CACHD1: variants seen among roughly 807,000 people sequenced by gnomAD.
CACHD1 encodes the protein VWFA and cache domain-containing protein 1.
CACHD1 carries 71 observed loss-of-function variants against 138.7 expected under a neutral mutation model. The observed-to-expected ratio is 0.51, with a 90% CI of 0.42 to 0.62. CACHD1 has a LOEUF of 0.62. Ranked by LOEUF, CACHD1 falls within the 20% of genes least tolerant of loss-of-function variation. The probability of loss-of-function intolerance (pLI) is 0.00; values close to 1 mark genes in which losing one functional copy is unlikely to be tolerated. For synonymous variants in CACHD1, 578 were observed against 591.5 expected (o/e 0.98, Z 0.33); for missense variants, 1,389 against 1,625.3 (o/e 0.85, Z 2.50).
At chr1:64,559,330 A>G (rs953500345) in intron 2 of CACHD1, among the ~76,000 whole-genome samples, 3 of 152,242 alleles carry the variant, frequency 2.0e-5, no homozygotes, top group African/African-American at 7.2e-5. Flanking sequence ...AAACAAGATC[A>G]TGTCTTTTGC....
At chr1:64,566,480 C>CCT (rs1553133827) in intron 2 of CACHD1, among the ~76,000 whole-genome samples, 1 of 892 alleles carries the variant, frequency 1.1e-3, no homozygotes, top group African/African-American at 4.1e-3. Context: ...GTTTTCAATT[C>CCT]CCCCCCCCCC....
In CACHD1 at chr1:64,681,345, C is replaced by A; in HGVS notation, c.3484+10C>A. The A allele has an allele frequency of 6.2e-7, 1 of 1,606,822 alleles. No homozygotes were observed. The highest frequency in any genetic ancestry group is 8.5e-7 in the Non-Finnish European group (1 of 1,173,550). On this transcript the variant is annotated intron_variant, in intron 25 of 26. Coordinates refer to ENST00000651257, the MANE Select transcript of CACHD1 (RefSeq NM_020925.4). ...GAAGACAGAGGCATCAGTGAGTATT[C>A]AGCTGCCTTGCTGCAGAATGTGTCA... is the stretch of plus-strand genomic sequence containing the variant.
chr1:64,509,493 T>C (rs1646402505), intron 1 of CACHD1, among the ~76,000 whole-genome samples: 3 of 152,212 alleles, frequency 2.0e-5, no homozygotes, highest in Admixed American at 2.0e-4. Context: ...CTTTAGTTCA[T>C]TTGTCTTTCT....
intron 3 of CACHD1, among the ~76,000 whole-genome samples, chr1:64,596,436 T>G (rs906329720): frequency 2.6e-5 from 4 of 152,198 alleles, no homozygotes; most frequent in Non-Finnish European, 5.9e-5. Flanking sequence ...CCAGACCCTG[T>G]TAGGCTGTTA....
chr1:64,540,251 C>T (rs1242339655), intron 1 of CACHD1, among the ~76,000 whole-genome samples: 3 of 151,944 alleles, frequency 2.0e-5, no homozygotes, highest in East Asian at 1.9e-4. Flanking sequence ...CATGTATGGC[C>T]GCTAAATACC....
intron 1 of CACHD1, among the ~76,000 whole-genome samples, chr1:64,544,933 T>C (rs2100439380): frequency 6.6e-6 from 1 of 152,290 alleles, no homozygotes; most frequent in Non-Finnish European, 1.5e-5. Context: ...TTGTATATAC[T>C]TAAAGTGTGA....
chr1:64,501,875 C>T (rs1189592124), intron 1 of CACHD1, among the ~76,000 whole-genome samples: 4 of 151,798 alleles, frequency 2.6e-5, no homozygotes, highest in Admixed American at 2.6e-4. Context: ...GCCTAGATGC[C>T]TCTTTGCTGG....
intron 2 of CACHD1, among the ~76,000 whole-genome samples, chr1:64,552,159 C>T (rs1557489274): frequency 6.6e-6 from 1 of 151,954 alleles, no homozygotes; most frequent in Non-Finnish European, 1.5e-5. Flanking sequence ...TTTTTTCCCC[C>T]CACCCCCTTT....
At chr1:64,575,364 G>A (rs2100521146) in intron 2 of CACHD1, among the ~76,000 whole-genome samples, 1 of 152,266 alleles carries the variant, frequency 6.6e-6, no homozygotes, top group East Asian at 1.9e-4. Context: ...TATATGATGT[G>A]CAACATGAAA....
Position 64,691,632 on chromosome 1 carries a change from C to T in CACHD1, c.*71C>T. 7.0e-7 allele frequency: 1 copy of T among 1,420,628 alleles called. No individual in the cohort carries two copies. The allele number at this position is 1,420,628 out of a possible 1,614,324, so 88.0% of individuals were successfully genotyped here. A position where few individuals can be genotyped will look rare whatever the true frequency, so the allele number is the denominator to read the frequency against. Reference sequence around the variant, plus strand: ...ATGTTCTGGAAAGAAAAAGAACCGGCTTAAAACCCACAGCAAGAGACCTCC... The same window carrying T: ...ATGTTCTGGAAAGAAAAAGAACCGGTTTAAAACCCACAGCAAGAGACCTCC... On this transcript the variant is annotated 3_prime_UTR_variant, in exon 27 of 27. Coordinates refer to ENST00000651257, the MANE Select transcript of CACHD1 (RefSeq NM_020925.4).
At chr1:64,638,624 T>A (rs1211871974) in intron 7 of CACHD1, among the ~76,000 whole-genome samples, 1 of 148,944 alleles carries the variant, frequency 6.7e-6, no homozygotes, top group Non-Finnish European at 1.5e-5. Context: ...GGAGATCTAA[T>A]GGTATGGGCA....
intron 4 of CACHD1, among the ~76,000 whole-genome samples, chr1:64,608,696 T>C (rs1647417298): frequency 6.6e-6 from 1 of 152,236 alleles, no homozygotes; most frequent in Non-Finnish European, 1.5e-5. Flanking sequence ...GCATGTGTTA[T>C]ATTATGGTTC....
intron 3 of CACHD1, among the ~76,000 whole-genome samples, chr1:64,596,359 AAAG>A (rs1317908188): frequency 5.3e-5 from 8 of 152,306 alleles, no homozygotes; most frequent in African/African-American, 1.9e-4. Context: ...TGCTTCCCAG[AAAG>A]AATGAGCGGG....
intron 1 of CACHD1, among the ~76,000 whole-genome samples, chr1:64,481,967 G>A (rs1400632228): frequency 1.3e-5 from 2 of 152,062 alleles, no homozygotes; most frequent in East Asian, 1.9e-4. Context: ...CAGAGAAGCC[G>A]TGAACCCATG....
chr1:64,680,718 C>T (rs1650147324), intron 24 of CACHD1, among the ~76,000 whole-genome samples: 1 of 152,150 alleles, frequency 6.6e-6, no homozygotes, highest in Non-Finnish European at 1.5e-5. Context: ...CCACTTAGCT[C>T]ACTCTAACAG....
chr1:64,509,374 T>G (rs1646401644), intron 1 of CACHD1, among the ~76,000 whole-genome samples: 3 of 152,136 alleles, frequency 2.0e-5, no homozygotes. Flanking sequence ...GCAAAGTAAA[T>G]CCCAGGCCAT....
chr1:64,568,649 T>G (rs1293747552), intron 2 of CACHD1, among the ~76,000 whole-genome samples: 1 of 152,176 alleles, frequency 6.6e-6, no homozygotes, highest in African/African-American at 2.4e-5. Flanking sequence ...TATATGTGAA[T>G]GCATGCATGA....
chr1:64,576,421 C>G (rs1646967541), intron 2 of CACHD1, among the ~76,000 whole-genome samples: 1 of 151,438 alleles, frequency 6.6e-6, no homozygotes, highest in South Asian at 2.1e-4. Context: ...TGTCTTTACT[C>G]TGAGGTTCTG....
Position 64,658,757 on chromosome 1 carries a change from C to A in CACHD1, c.1835C>A (p.Pro612His). 6.2e-7 allele frequency: 1 copy of A among 1,611,434 alleles called. No individual in the cohort carries two copies. The highest frequency in any genetic ancestry group is 8.5e-7 in the Non-Finnish European group (1 of 1,178,604). ...ATTGTGGTGATACAACCAGAAATAC[C>A]TGTGAAACAACTGAAGAACCTCAAC... is the stretch of plus-strand genomic sequence containing the variant. Reference protein sequence around the residue: ...LCIVVIQPEIPVKQLKNLNTV... With the variant: ...LCIVVIQPEIHVKQLKNLNTV... The change falls in exon 13 of 27, where the codon CCT becomes CAT. Residue 612 changes from proline (P) to histidine (H), a missense_variant. Physicochemically the swap from Pro to His is moderately conservative, Grantham distance 77 (BLOSUM62 -2). Around this residue, in one of 5 missense-constraint regions of CACHD1, gnomAD observed 1,000 missense variants for 1,114.7 expected, o/e 0.90. Coordinates refer to ENST00000651257, the MANE Select transcript of CACHD1 (RefSeq NM_020925.4).
Sources: allele counts gnomAD v4.1 joint callset (sites outside exome capture counted in the v4.1 genomes callset), GRCh38; gene constraint gnomAD v4.1.1; regional missense constraint gnomAD v4.1.1; transcripts MANE v1.5; gene names NCBI Gene and HGNC (gene_info 2026-07-23, HGNC 2026-07-21).